The following CHST11 variants were observed in gnomAD, a reference collection of about 807,000 sequenced individuals.
CHST11 encodes the protein carbohydrate sulfotransferase 11, also known as C4S-1.
A neutral mutation model predicts 30.4 loss-of-function variants in CHST11; 9 were observed. The ratio of observed to expected loss-of-function variants is 0.30; its 90% CI spans 0.18 to 0.52. The LOEUF (loss-of-function observed/expected upper bound fraction) is 0.52, where lower values mean the gene tolerates loss of function less well. Among genes scored for constraint, CHST11 ranks in the 20% least tolerant of loss-of-function variants. The probability of loss-of-function intolerance (pLI) is 0.97; values close to 1 mark genes in which losing one functional copy is unlikely to be tolerated. For missense variants in CHST11, 348 were observed against 460.6 expected (o/e 0.76, Z 2.24); for synonymous variants, 152 against 187.8 (o/e 0.81, Z 1.56).
intron 2 of CHST11, among the ~76,000 whole-genome samples, chr12:104,695,423 A>G (rs1276126471): frequency 6.7e-6 from 1 of 149,734 alleles, no homozygotes; most frequent in Non-Finnish European, 1.5e-5. Flanking sequence ...AAAACTCATG[A>G]AAACACAATT....
chr12:104,462,186 GA>G lies in CHST11; in HGVS notation c.118+4662del, dbSNP rs1343420821. ...CCATCTCAAAAAAAAAAAAAAAAAA[GA>G]AAAAGAAAAGAAAAAAAGAAAATTT... is the stretch of plus-strand genomic sequence containing the variant. On this transcript the variant is annotated intron_variant, in intron 1 of 2. Transcript: ENST00000303694. Among the ~76,000 whole-genome samples the G allele has an allele frequency of 2.2e-4, 23 of 106,674 alleles. No individual in the cohort carries two copies. The East Asian group carries it at 4.0e-3, about 19-fold the overall frequency. 70.0% of individuals were successfully genotyped at this position (106,674 alleles called of 152,430 possible). A position where few individuals can be genotyped will look rare whatever the true frequency, so the allele number is the denominator to read the frequency against.
chr12:104,735,591 A>T (rs961343139), intron 2 of CHST11, among the ~76,000 whole-genome samples: 5 of 152,172 alleles, frequency 3.3e-5, no homozygotes, highest in Admixed American at 1.3e-4. Context: ...TAGCGGGAAG[A>T]AGAGAGTGAG....
chr12:104,606,814 A>G (rs966238282), intron 2 of CHST11, among the ~76,000 whole-genome samples: 1 of 152,196 alleles, frequency 6.6e-6, no homozygotes, highest in Non-Finnish European at 1.5e-5. Context: ...CACGCCTGTA[A>G]TCCAACACTT....
At chr12:104,534,112 CT>C (rs369020450) in intron 1 of CHST11, among the ~76,000 whole-genome samples, 15 of 152,180 alleles carry the variant, frequency 9.9e-5, no homozygotes, top group African/African-American at 3.6e-4. Context: ...AATAACAGTT[CT>C]TTTTTTCCTT....
At chr12:104,711,566 G>A (rs2040088300) in intron 2 of CHST11, among the ~76,000 whole-genome samples, 1 of 152,120 alleles carries the variant, frequency 6.6e-6, no homozygotes, top group Non-Finnish European at 1.5e-5. Context: ...CAAAGTGGGG[G>A]ATGGCAGGAG....
intron 2 of CHST11, among the ~76,000 whole-genome samples, chr12:104,694,008 A>G (rs971672873): frequency 5.3e-5 from 8 of 152,214 alleles, no homozygotes; most frequent in African/African-American, 1.2e-4. Flanking sequence ...AAACAAAACC[A>G]TGTAAAAATA....
intron 1 of CHST11, among the ~76,000 whole-genome samples, chr12:104,564,766 A>T (rs1200706657): frequency 6.6e-6 from 1 of 152,194 alleles, no homozygotes; most frequent in African/African-American, 2.4e-5. Flanking sequence ...TGGGTAATTG[A>T]TAAAGAAAAT....
Position 104,458,631 on chromosome 12 carries a change from C to T in CHST11, c.118+1102C>T, listed in dbSNP as rs988946443. Among the ~76,000 whole-genome samples, 1 of 152,254 alleles carries T rather than the reference C, an allele frequency of 6.6e-6. No homozygotes were observed. Among genetic ancestry groups the T allele is most frequent in the African/African-American group, 2.4e-5 (1 of 41,486 alleles). On this transcript the variant is annotated intron_variant, in intron 1 of 2. Transcript: ENST00000303694. The surrounding 1 kb of genome is among the most constrained non-coding windows in gnomAD (Gnocchi z 5.7). ...CCCGCCAAGCCGTGGCTCCCCTGCT[C>T]CCTTTTACCCTCCCTTAGCAGCCCC...
chr12:104,644,827 A>G (rs1314266043), intron 2 of CHST11, among the ~76,000 whole-genome samples: 1 of 152,252 alleles, frequency 6.6e-6, no homozygotes, highest in East Asian at 1.9e-4. Flanking sequence ...AGTCTGGAAG[A>G]TAGTGCAGGA....
chr12:104,699,304 G>A (rs1566043545), intron 2 of CHST11, among the ~76,000 whole-genome samples: 1 of 152,210 alleles, frequency 6.6e-6, no homozygotes, highest in Non-Finnish European at 1.5e-5. Context: ...GAATTGAGAT[G>A]TGCCATAAGT....
At chr12:104,598,998 G>T (rs573877525) in intron 1 of CHST11, among the ~76,000 whole-genome samples, 1 of 151,830 alleles carries the variant, frequency 6.6e-6, no homozygotes, top group Non-Finnish European at 1.5e-5. Flanking sequence ...AGTGCCTGCA[G>T]CTAAGGGAGG....
At chr12:104,677,334 AG>A (rs2039752151) in intron 2 of CHST11, among the ~76,000 whole-genome samples, 1 of 152,228 alleles carries the variant, frequency 6.6e-6, no homozygotes, top group Non-Finnish European at 1.5e-5. Context: ...GGTTCTAACT[AG>A]CTAGAACTGG....
At chr12:104,742,003 C>T (rs2040351412) in intron 2 of CHST11, among the ~76,000 whole-genome samples, 1 of 148,416 alleles carries the variant, frequency 6.7e-6, no homozygotes, top group African/African-American at 2.6e-5. Flanking sequence ...TGCTATCCTG[C>T]CCCCGGCACT....
chr12:104,540,159 C>A (rs1474838064), intron 1 of CHST11, among the ~76,000 whole-genome samples: 1 of 152,132 alleles, frequency 6.6e-6, no homozygotes, highest in Non-Finnish European at 1.5e-5. Flanking sequence ...GAATTTTTTT[C>A]TGAATATTTT....
intron 1 of CHST11, among the ~76,000 whole-genome samples, chr12:104,524,469 G>T (rs1332261320): frequency 6.6e-6 from 1 of 152,144 alleles, no homozygotes; most frequent in Non-Finnish European, 1.5e-5. Context: ...CACGTATAGG[G>T]AATGAGTTCT....
At chr12:104,565,932 C>T (rs1270457640) in intron 1 of CHST11, among the ~76,000 whole-genome samples, 3 of 152,158 alleles carry the variant, frequency 2.0e-5, no homozygotes, top group South Asian at 2.1e-4. Flanking sequence ...AACCTGCAGG[C>T]GTGTGCTTAC....
intron 2 of CHST11, among the ~76,000 whole-genome samples, chr12:104,638,814 C>A (rs1460727631): frequency 6.6e-6 from 1 of 152,158 alleles, no homozygotes. Flanking sequence ...TAGGGTATAA[C>A]TTTAGTTTTC....
intron 1 of CHST11, among the ~76,000 whole-genome samples, chr12:104,532,915 T>C (rs1318722124): frequency 6.6e-6 from 1 of 152,172 alleles, no homozygotes; most frequent in African/African-American, 2.4e-5. Context: ...GTTTAAGTGC[T>C]GTTGTGTGTC....
chr12:104,578,901 C>A (rs770150239), intron 1 of CHST11, among the ~76,000 whole-genome samples: 1 of 152,184 alleles, frequency 6.6e-6, no homozygotes, highest in Non-Finnish European at 1.5e-5. Flanking sequence ...TTGTGACATG[C>A]AGTTGTCTCA....
Sources: allele counts gnomAD v4.1 joint callset (sites outside exome capture counted in the v4.1 genomes callset), GRCh38; gene constraint gnomAD v4.1.1; non-coding constraint Gnocchi (gnomAD v3.1); transcripts MANE v1.5; gene names NCBI Gene and HGNC (gene_info 2026-07-23, HGNC 2026-07-21).